The following PAMR1 variants were observed in gnomAD, a reference collection of about 807,000 sequenced individuals.
The protein encoded by PAMR1 is peptidase domain containing associated with muscle regeneration 1.
PAMR1 carries 88 observed loss-of-function variants against 81.8 expected under a neutral mutation model. That is an observed-to-expected ratio of 1.08 (90% CI 0.91 to 1.28). PAMR1 has a LOEUF of 1.28. PAMR1 is among the 50% of genes most tolerant of loss of function. The pLI is 0.00. For missense variants in PAMR1, 935 were observed against 919.7 expected, an observed-to-expected ratio of 1.02 and a Z score of -0.21; for synonymous variants, 336 against 345.3, an observed-to-expected ratio of 0.97 and a Z score of 0.30.
chr11:35,446,812 T>C, intron 6 of PAMR1, among the ~76,000 whole-genome samples: 1 of 152,216 alleles, frequency 6.6e-6, no homozygotes. Flanking sequence ...GTTTATTCTT[T>C]TGTTTTTGGG....
intron 1 of PAMR1, among the ~76,000 whole-genome samples, chr11:35,499,308 G>A (rs976485604): frequency 6.6e-6 from 1 of 152,136 alleles, no homozygotes; most frequent in African/African-American, 2.4e-5. Context: ...CTGTACAGAT[G>A]TATGTTCGTT....
intron 1 of PAMR1, among the ~76,000 whole-genome samples, chr11:35,498,462 C>CT (rs1298887393): frequency 2.6e-5 from 4 of 152,102 alleles, no homozygotes; most frequent in African/African-American, 9.7e-5. Flanking sequence ...ATATAAACAG[C>CT]TTAGCACAGC....
At chr11:35,435,451 A>G (rs677897) in intron 9 of PAMR1, among the ~76,000 whole-genome samples, 139,702 of 152,172 alleles carry the variant, frequency 0.92, 64,322 homozygotes, top group East Asian at 1. Context: ...CAAATGACCC[A>G]CCCACCTTGG....
rs553461998 is a variant in PAMR1, at chr11:35,466,587, T to C, written c.820+1414A>G. On this transcript the variant is annotated intron_variant, in intron 6 of 10. Coordinates refer to ENST00000619888, the MANE Select transcript of PAMR1 (RefSeq NM_001001991.3). ...TTAAAAATACAAAAAATTAGCCGGGTGTGGTGGCGGGCGCCTGTAGTCCCA... is the reference window on the plus strand; with the variant it reads ...TTAAAAATACAAAAAATTAGCCGGGCGTGGTGGCGGGCGCCTGTAGTCCCA... 7.9e-3 allele frequency among the ~76,000 whole-genome samples: 1,194 copies of C among 150,668 alleles called. 10 individuals are homozygous for C. The highest frequency in any genetic ancestry group is 0.028 in the African/African-American group (1,141 of 41,034).
chr11:35,440,717 T>TACATGGAA (rs1856147052), intron 7 of PAMR1, among the ~76,000 whole-genome samples: 1 of 152,202 alleles, frequency 6.6e-6, no homozygotes, highest in African/African-American at 2.4e-5. Flanking sequence ...AATATTCCAC[T>TACATGGAA]TTTCTGTCCA....
chr11:35,475,397 T>C (rs1310323638), intron 3 of PAMR1, among the ~76,000 whole-genome samples: 1 of 152,110 alleles, frequency 6.6e-6, no homozygotes, highest in African/African-American at 2.4e-5. Flanking sequence ...AAACTCAATG[T>C]ATAAAAAAGG....
At chr11:35,442,762 C>G (rs759760523) in intron 6 of PAMR1, among the ~76,000 whole-genome samples, 56 of 152,102 alleles carry the variant, frequency 3.7e-4, no homozygotes, top group African/African-American at 1.3e-3. Context: ...CAGGCACACA[C>G]CAGCTAATTT....
At chr11:35,435,268 TTAGTA>T (rs1393893399) in intron 9 of PAMR1, among the ~76,000 whole-genome samples, 2 of 152,190 alleles carry the variant, frequency 1.3e-5, no homozygotes, top group Non-Finnish European at 2.9e-5. Context: ...GGAAGGCAGC[TTAGTA>T]AATGCAGGCC....
At chr11:35,479,024 A>G (rs192157601) in intron 3 of PAMR1, among the ~76,000 whole-genome samples, 1 of 152,124 alleles carries the variant, frequency 6.6e-6, no homozygotes, top group East Asian at 1.9e-4. Context: ...TAATTTCTAG[A>G]CCAGTAAGAC....
At chr11:35,442,583 TTTTTTCTTTTTTTTTC>T (rs949465631) in intron 6 of PAMR1, among the ~76,000 whole-genome samples, 1 of 151,912 alleles carries the variant, frequency 6.6e-6, no homozygotes, top group African/African-American at 2.4e-5. Context: ...CCCTACTTTC[TTTTTTCTTTTTTTTTC>T]TTTTTCTTTT....
intron 3 of PAMR1, among the ~76,000 whole-genome samples, chr11:35,491,314 T>C (rs898161869): frequency 7.9e-5 from 12 of 152,180 alleles, no homozygotes; most frequent in African/African-American, 2.7e-4. Context: ...TCCCTCTCTG[T>C]AAACTGGAAA....
In PAMR1 at chr11:35,434,604, C is replaced by T; in HGVS notation, c.1534G>A (p.Val512Ile). ...AGGTCTGCTGTCTTGATCATGGTGA[C>T]CTTCCCCAGGTCAGTAACACAGTGG... Reference protein sequence around the residue: ...AAHCVTDLGKVTMIKTADLKV... With the variant: ...AAHCVTDLGKITMIKTADLKV... Residue 512 changes from valine (V) to isoleucine (I), a missense_variant, in exon 10 of 11, where the codon GTC becomes ATC. Physicochemically the swap from Val to Ile is conservative, Grantham distance 29 (BLOSUM62 3). Coordinates refer to ENST00000619888, the MANE Select transcript of PAMR1 (RefSeq NM_001001991.3). 6.2e-7 allele frequency: 1 copy of T among 1,614,022 alleles called. No individual in the cohort carries two copies. Among genetic ancestry groups the T allele is most frequent in the Non-Finnish European group, 8.5e-7 (1 of 1,179,984 alleles).
upstream of PAMR1, chr11:35,525,696 A>G: frequency 1.1e-6 from 1 of 870,910 alleles, no homozygotes; most frequent in Non-Finnish European, 1.9e-6. Flanking sequence ...GCTGAGCGGG[A>G]GCTCGGGTTT....
rs755736234 is a variant in PAMR1 at position 35,450,701 on chromosome 11, C to T, written c.821-9008G>A. 2.3e-4 allele frequency among the ~76,000 whole-genome samples: 35 copies of T among 152,258 alleles called. 1 individual carries two copies. The highest frequency in any genetic ancestry group is 1.0e-3 in the South Asian group (5 of 4,816). On this transcript the variant is annotated intron_variant, in intron 6 of 10. Transcript: ENST00000619888. ...CTTGAAAGTTTTATAAAATGGAATTCGTTGCAGACATAAAAATTGGGAGAT... is the reference window on the plus strand; with the variant it reads ...CTTGAAAGTTTTATAAAATGGAATTTGTTGCAGACATAAAAATTGGGAGAT...
chr11:35,480,419 A>G (rs1850367305), intron 3 of PAMR1, among the ~76,000 whole-genome samples: 1 of 152,222 alleles, frequency 6.6e-6, no homozygotes, highest in Admixed American at 6.5e-5. Context: ...GGTAGCACAA[A>G]GAGTTAAGAC....
chr11:35,505,329 A>G (rs896605758), intron 1 of PAMR1, among the ~76,000 whole-genome samples: 3 of 152,084 alleles, frequency 2.0e-5, no homozygotes, highest in Non-Finnish European at 4.4e-5. Context: ...AACTGGGTGA[A>G]ATCTACTGGG....
upstream of PAMR1, among the ~76,000 whole-genome samples, chr11:35,526,956 G>A (rs61089142): frequency 6.6e-6 from 1 of 151,988 alleles, no homozygotes; most frequent in African/African-American, 2.4e-5. Flanking sequence ...GCAAAGTCTC[G>A]GGAAGAGAAG....
At chr11:35,461,992 G>A (rs1004163893) in intron 6 of PAMR1, among the ~76,000 whole-genome samples, 3 of 151,512 alleles carry the variant, frequency 2.0e-5, no homozygotes, top group African/African-American at 7.3e-5. Context: ...TTTTCTCCCT[G>A]CCCCTTTAAC....
chr11:35,511,137 A>C (rs1043192835), intron 1 of PAMR1, among the ~76,000 whole-genome samples: 1 of 152,270 alleles, frequency 6.6e-6, no homozygotes, highest in African/African-American at 2.4e-5. Flanking sequence ...TGAGTGAAAG[A>C]AAGCTGTCAT....
Sources: gnomAD v4.1 joint callset for allele counts (sites outside exome capture counted in the v4.1 genomes callset) on GRCh38, gnomAD v4.1.1 for gene constraint, MANE v1.5 for transcripts, NCBI Gene and HGNC (gene_info 2026-07-23, HGNC 2026-07-21) for gene names.